NEMF: variants seen among roughly 807,000 people sequenced by gnomAD.
NEMF encodes nuclear export mediator factor, also known as ribosome quality control complex subunit NEMF.
A neutral mutation model predicts 162.2 loss-of-function variants in NEMF; 89 were observed. The observed-to-expected ratio is 0.55, with a 90% CI of 0.46 to 0.65. The LOEUF (loss-of-function observed/expected upper bound fraction) is 0.65. Ranked by LOEUF, NEMF falls within the 30% of genes least tolerant of loss-of-function variation. The probability of loss-of-function intolerance (pLI) is 0.00; values close to 1 mark genes in which losing one functional copy is unlikely to be tolerated. For missense variants in NEMF, 1,133 were observed against 1,261.9 expected (o/e 0.90, Z 1.55); for synonymous variants, 421 against 404.5 (o/e 1.04, Z -0.49).
intron 3 of NEMF, among the ~76,000 whole-genome samples, chr14:49,848,904 A>C (rs1451500278): frequency 6.6e-6 from 1 of 151,608 alleles, no homozygotes; most frequent in Non-Finnish European, 1.5e-5. Context: ...GACCACCTTC[A>C]AAAAAAAGAC....
intron 4 of NEMF, among the ~76,000 whole-genome samples, chr14:49,842,232 C>T (rs1893250792): frequency 6.8e-6 from 1 of 147,092 alleles, no homozygotes; most frequent in Admixed American, 6.8e-5. Flanking sequence ...AAAGAGGTTA[C>T]CTAATGGAAA....
rs970080553 is a variant in NEMF, at chr14:49,815,883, G to A, written c.1578-1026C>T. On this transcript the variant is annotated intron_variant, in intron 16 of 32. Coordinates refer to ENST00000298310, the MANE Select transcript of NEMF (RefSeq NM_004713.6). Reference sequence around the variant, plus strand: ...GGAGGCTAAGGCAAAAGAATGGGGTGAACCTGGGAGGCGGAGCTTGCAGTG... The same window carrying A: ...GGAGGCTAAGGCAAAAGAATGGGGTAAACCTGGGAGGCGGAGCTTGCAGTG... Among the ~76,000 whole-genome samples the A allele has an allele frequency of 4.3e-4, 65 of 152,258 alleles. 1 individual carries two copies. The highest frequency in any genetic ancestry group is 1.1e-3 in the Admixed American group (17 of 15,288).
chr14:49,846,780 T>TA (rs1893525365), intron 3 of NEMF, among the ~76,000 whole-genome samples: 1 of 152,162 alleles, frequency 6.6e-6, no homozygotes, highest in Non-Finnish European at 1.5e-5. Context: ...TTTCAATTTT[T>TA]AAGTAGAGAA....
At chr14:49,846,644 T>C (rs1463231962) in intron 3 of NEMF, among the ~76,000 whole-genome samples, 1 of 151,074 alleles carries the variant, frequency 6.6e-6, no homozygotes, top group Admixed American at 6.6e-5. Context: ...TTTTCATTAT[T>C]TGTAGAGACA....
chr14:49,785,918 T>C (rs1890157268), intron 29 of NEMF: 1 of 151,630 alleles, frequency 6.6e-6, no homozygotes, highest in Admixed American at 6.6e-5. Flanking sequence ...AAAAAAACTA[T>C]TGGATATTAC....
intron 5 of NEMF, among the ~76,000 whole-genome samples, chr14:49,838,600 T>C (rs1893025170): frequency 6.6e-6 from 1 of 151,064 alleles, no homozygotes; most frequent in South Asian, 2.1e-4. Context: ...TTTTTTTTTT[T>C]TTGAGACGGC....
At position 49,782,669 on chromosome 14, in the gene NEMF, G is replaced by T; in HGVS notation, c.*1967C>A. The T allele has an allele frequency of 1.4e-6, 2 of 1,382,878 alleles. No individual in the cohort carries two copies. The highest frequency in any genetic ancestry group is 2.0e-6 in the Non-Finnish European group (2 of 1,007,662). The allele number at this position is 1,382,878 out of a possible 1,614,324, so 85.7% of individuals were successfully genotyped here. A position where few individuals can be genotyped will look rare whatever the true frequency, so the allele number is the denominator to read the frequency against. On this transcript the variant is annotated 3_prime_UTR_variant, in exon 33 of 33. Transcript: ENST00000298310. ...AAGACTTAGCACTCTCGAAAAACTAGGTTTATGGATTATTTAAGGGCAATA... is the reference window on the plus strand; with the variant it reads ...AAGACTTAGCACTCTCGAAAAACTATGTTTATGGATTATTTAAGGGCAATA...
intron 26 of NEMF, 70 bp from the exon 27 acceptor site, chr14:49,789,643 A>T (rs574637314): frequency 1.3e-6 from 2 of 1,565,662 alleles, no homozygotes; most frequent in South Asian, 1.2e-5. Context: ...CTTGCAAAGA[A>T]ATGGTGTTAC....
rs1414827522 is a variant in NEMF at position 49,809,440 on chromosome 14, G to A, written c.1745-3307C>T. ...AAAGATCAGTGGTTGTCGGGGGTTG[G>A]GGGAAGGGAGGGATGAACAGGCAGG... On this transcript the variant is annotated intron_variant, in intron 18 of 32. Transcript: ENST00000298310. 2.6e-5 allele frequency among the ~76,000 whole-genome samples: 4 copies of A among 152,178 alleles called. No individual in the cohort carries two copies. In the East Asian group the frequency reaches 7.7e-4, roughly 29 times the overall value.
Position 49,812,768 on chromosome 14 carries a change from T to C in NEMF, c.1744+1220A>G, listed in dbSNP as rs1190450226. On this transcript the variant is annotated intron_variant, in intron 18 of 32. Coordinates refer to ENST00000298310, the MANE Select transcript of NEMF (RefSeq NM_004713.6). ...CATTATAGTCAGAAAACTTACTTTG[T>C]CTAATTTCAACAGTTTTAAATGTAT... 4.6e-5 allele frequency among the ~76,000 whole-genome samples: 7 copies of C among 152,282 alleles called. No homozygotes were observed. In the South Asian group the frequency reaches 6.2e-4, roughly 14 times the overall value.
At chr14:49,788,140 G>A (rs138114568) in intron 28 of NEMF, among the ~76,000 whole-genome samples, 4 of 152,214 alleles carry the variant, frequency 2.6e-5, no homozygotes, top group East Asian at 3.9e-4. Flanking sequence ...TAAGCCAGGC[G>A]TGATGGTGCA....
At position 49,783,719 on chromosome 14, in the gene NEMF, G is replaced by A. The variant is rs1301691699; in HGVS notation, c.*917C>T. 1.3e-5 allele frequency: 2 copies of A among 151,694 alleles called. No homozygotes were observed. The highest frequency in any genetic ancestry group is 4.8e-5 in the African/African-American group (2 of 41,258). 9.4% of individuals were successfully genotyped at this position (151,694 alleles called of 1,614,324 possible). A position where few individuals can be genotyped will look rare whatever the true frequency, so the allele number is the denominator to read the frequency against. ...ATATTGGTAATTAATTACTAAAGGT[G>A]GAAATTAAAATGGTACAGAACTGAA... On this transcript the variant is annotated 3_prime_UTR_variant, in exon 33 of 33. Coordinates refer to ENST00000298310, the MANE Select transcript of NEMF (RefSeq NM_004713.6).
At chr14:49,791,432 G>A (rs1890442890) in intron 26 of NEMF, among the ~76,000 whole-genome samples, 1 of 151,302 alleles carries the variant, frequency 6.6e-6, no homozygotes, top group African/African-American at 2.4e-5. Context: ...TTTCACAGAT[G>A]TGTGTGCTTA....
intron 29 of NEMF, 91 bp from the exon 30 acceptor site, chr14:49,785,411 T>A: frequency 1.2e-6 from 1 of 857,630 alleles, no homozygotes; most frequent in Non-Finnish European, 2.0e-6. Flanking sequence ...CAACATATTT[T>A]TTATCTTTTC....
rs762629842 is a variant in NEMF at position 49,789,299 on chromosome 14, T to C, written c.2742A>G (p.Lys914=). The change falls in exon 28 of 33, where the codon AAA becomes AAG. Residue 914 remains lysine (K), a synonymous_variant. Transcript: ENST00000298310. Reference sequence around the variant, plus strand: ...TCACAGGTTCGTCCTTTGTTTTTCCTTTCTTCCCCTTCTTCCCTTTTTCTT... The same window carrying C: ...TCACAGGTTCGTCCTTTGTTTTTCCCTTCTTCCCCTTCTTCCCTTTTTCTT... The part of the protein sequence containing the change: ...NKEEKGKKGK[K]GKTKDEPVKK... The C allele has an allele frequency of 3.7e-6, 6 of 1,614,234 alleles. No homozygotes were observed. In the East Asian group the frequency reaches 1.1e-4, roughly 30 times the overall value.
chr14:49,842,700 A>G (rs1415445000), intron 4 of NEMF, among the ~76,000 whole-genome samples: 1 of 152,238 alleles, frequency 6.6e-6, no homozygotes, highest in Non-Finnish European at 1.5e-5. Context: ...ACCAGAAATT[A>G]CTAAGTGCTG....
intron 5 of NEMF, among the ~76,000 whole-genome samples, chr14:49,840,228 G>A (rs1344346980): frequency 1.3e-5 from 2 of 152,176 alleles, no homozygotes; most frequent in Non-Finnish European, 2.9e-5. Flanking sequence ...TTGGGAGGCC[G>A]AGGCAGGCAG....
intron 18 of NEMF, among the ~76,000 whole-genome samples, chr14:49,808,140 TTTC>T (rs1250073309): frequency 1.3e-5 from 2 of 152,070 alleles, no homozygotes; most frequent in Admixed American, 6.6e-5. Context: ...GTCTTTTTAC[TTTC>T]TTGATAATGT....
chr14:49,826,322 C>T (rs1029249754), intron 15 of NEMF, among the ~76,000 whole-genome samples: 1 of 151,860 alleles, frequency 6.6e-6, no homozygotes, highest in Non-Finnish European at 1.5e-5. Context: ...CCACTCCCAC[C>T]CCACTAGGTC....
Sources: allele counts gnomAD v4.1 joint callset (sites outside exome capture counted in the v4.1 genomes callset), GRCh38; gene constraint gnomAD v4.1.1; transcripts MANE v1.5; gene names NCBI Gene and HGNC (gene_info 2026-07-23, HGNC 2026-07-21).